Variants in TMEM181 observed in about 807,000 individuals in gnomAD.
TMEM181 encodes G protein-coupled receptor 178.
Under a neutral mutation model 71.9 loss-of-function variants are expected in TMEM181, and 39 were observed. The ratio of observed to expected loss-of-function variants is 0.54; its 90% CI spans 0.42 to 0.71. The LOEUF (loss-of-function observed/expected upper bound fraction) is 0.71. Ranked by LOEUF, TMEM181 falls within the 30% of genes least tolerant of loss-of-function variation. The pLI is 0.00. For synonymous variants in TMEM181, 245 were observed against 228.8 expected (o/e 1.07, Z -0.64); for missense variants, 595 against 583.0 (o/e 1.02, Z -0.21).
chr6:158,574,081 C>A (rs1478935027), intron 2 of TMEM181, among the ~76,000 whole-genome samples: 1 of 126,590 alleles, frequency 7.9e-6, no homozygotes, highest in Non-Finnish European at 1.8e-5. Flanking sequence ...AGAGGGCAGG[C>A]AACCAGGAGC....
intron 1 of TMEM181, among the ~76,000 whole-genome samples, chr6:158,544,020 T>C (rs957485215): frequency 2.0e-5 from 3 of 152,134 alleles, no homozygotes; most frequent in Non-Finnish European, 4.4e-5. Flanking sequence ...CTGCACATCT[T>C]ATAGGATGAT....
intron 1 of TMEM181, among the ~76,000 whole-genome samples, chr6:158,546,693 G>A (rs560775456): frequency 3.3e-5 from 5 of 152,286 alleles, no homozygotes; most frequent in African/African-American, 7.2e-5. Flanking sequence ...GCGCGATGGC[G>A]CACACCTGTA....
intron 3 of TMEM181, among the ~76,000 whole-genome samples, chr6:158,582,015 C>T (rs1252712428): frequency 6.6e-6 from 1 of 152,052 alleles, no homozygotes; most frequent in Non-Finnish European, 1.5e-5. Flanking sequence ...TCTCACACTT[C>T]CCTGCTAGTT....
intron 15 of TMEM181, among the ~76,000 whole-genome samples, chr6:158,630,742 A>G (rs1226402260): frequency 2.0e-5 from 3 of 151,700 alleles, no homozygotes; most frequent in African/African-American, 7.3e-5. Context: ...AAACATACAA[A>G]AAGTCACCTA....
intron 10 of TMEM181, among the ~76,000 whole-genome samples, chr6:158,619,633 G>T (rs1013307218): frequency 5.3e-5 from 8 of 152,098 alleles, no homozygotes; most frequent in African/African-American, 1.9e-4. Context: ...CACTTTGGGA[G>T]GCCAGTGCAG....
chr6:158,558,291 C>T (rs1224737530), upstream of TMEM181, among the ~76,000 whole-genome samples: 1 of 152,214 alleles, frequency 6.6e-6, no homozygotes, highest in African/African-American at 2.4e-5. Context: ...CAAATGTGGC[C>T]AGCAAATGTG....
chr6:158,597,692 C>T (rs575724390), intron 6 of TMEM181, among the ~76,000 whole-genome samples: 40 of 152,150 alleles, frequency 2.6e-4, no homozygotes, highest in African/African-American at 8.9e-4. Context: ...TTTTTATTTT[C>T]TAGAGACGGG....
At chr6:158,609,175 G>GT (rs1785144425) in intron 10 of TMEM181, among the ~76,000 whole-genome samples, 1 of 151,870 alleles carries the variant, frequency 6.6e-6, no homozygotes, top group South Asian at 2.1e-4. Context: ...TCAGCTTTCA[G>GT]TTTATCTAAC....
chr6:158,561,901 A>C (rs1782201139), intron 1 of TMEM181, among the ~76,000 whole-genome samples: 1 of 152,144 alleles, frequency 6.6e-6, no homozygotes, highest in South Asian at 2.1e-4. Flanking sequence ...GTTTGGTAGC[A>C]GATAAAATCC....
At chr6:158,619,598 C>T (rs1051420148) in intron 10 of TMEM181, among the ~76,000 whole-genome samples, 7 of 151,972 alleles carry the variant, frequency 4.6e-5, no homozygotes, top group Admixed American at 2.6e-4. Context: ...TGGCCAGGCG[C>T]GGTGGCTCAC....
exon 1 of TMEM181, chr6:158,536,726 C>T (rs761693754): frequency 1.3e-6 from 2 of 1,566,548 alleles, no homozygotes. Context: ...ACCCGGGAGG[C>T]TGCGCGGCAT....
Position 158,572,642 on chromosome 6 carries a change from T to C in TMEM181, c.9-778T>C, listed in dbSNP as rs1782929178. Among the ~76,000 whole-genome samples the C allele has an allele frequency of 2.6e-5, 4 of 152,224 alleles. No individual in the cohort carries two copies. The South Asian group carries it at 8.3e-4, about 32-fold the overall frequency. ...GCCTCACATGTACTACCTGGGCCTT[T>C]ACAGAGTTTTCTTTTGTTTGCTGGC... On this transcript the variant is annotated intron_variant, in intron 1 of 16. Transcript: ENST00000684151.
rs749429368 is a variant in TMEM181, at chr6:158,623,578, C to T, written c.925C>T (p.Gln309Ter). ...TVNELHDPMY[Q>*]YRVDTGNFQG... ...TAACGAATTACATGATCCAATGTAC[C>T]AGTATCGAGTTGATACCGGAAATTT... Residue 309 changes from glutamine to a stop codon, truncating the protein, a stop_gained, in exon 11 of 17, where the codon CAG (glutamine) becomes TAG (stop). Coordinates refer to ENST00000684151, the MANE Select transcript of TMEM181 (RefSeq NM_001376852.1). LOFTEE classifies it high-confidence loss of function. 6.3e-7 allele frequency: 1 copy of T among 1,582,696 alleles called. No individual in the cohort carries two copies. Among genetic ancestry groups the T allele is most frequent in the Non-Finnish European group, 8.6e-7 (1 of 1,161,802 alleles).
At chr6:158,571,773 G>C (rs900251213) in intron 1 of TMEM181, among the ~76,000 whole-genome samples, 1 of 152,228 alleles carries the variant, frequency 6.6e-6, no homozygotes, top group Non-Finnish European at 1.5e-5. Flanking sequence ...CCGTCCCAGA[G>C]CAACCTCTGT....
At chr6:158,629,907 T>TCATGTGGGCGCTGTGATTCC (rs1786566770) in intron 15 of TMEM181, 88 bp downstream of exon 15, 1 of 1,087,408 alleles carries the variant, frequency 9.2e-7, no homozygotes, top group Non-Finnish European at 1.4e-6. Flanking sequence ...GGTTTCCCAT[T>TCATGTGGGCGCTGTGATTCC]CATGTGGGCG....
rs114262802 is a variant in TMEM181, at chr6:158,561,194, A to C, written c.8+962A>C. On this transcript the variant is annotated intron_variant, in intron 1 of 16. Coordinates refer to ENST00000684151, the MANE Select transcript of TMEM181 (RefSeq NM_001376852.1). ...CTCTGGCTGTGGACGTGGTCAGAGAAGTGACACCCAGGCCTGTTGCCTCAG... is the reference window on the plus strand; with the variant it reads ...CTCTGGCTGTGGACGTGGTCAGAGACGTGACACCCAGGCCTGTTGCCTCAG... Among the ~76,000 whole-genome samples the C allele has an allele frequency of 6.7e-3, 1,026 of 152,350 alleles. 5 individuals carry two copies. Among genetic ancestry groups the C allele is most frequent in the Admixed American group, 0.014 (207 of 15,300 alleles).
chr6:158,600,458 A>ATTTTTTT (rs61457107), intron 6 of TMEM181, among the ~76,000 whole-genome samples: 1,036 of 91,760 alleles, frequency 0.011, 50 homozygotes, highest in African/African-American at 0.025. Context: ...CCTAGGGTTA[A>ATTTTTTT]TTTTTTTTTT....
At chr6:158,540,243 C>T (rs1781292071) in intron 1 of TMEM181, among the ~76,000 whole-genome samples, 1 of 152,168 alleles carries the variant, frequency 6.6e-6, no homozygotes, top group Non-Finnish European at 1.5e-5. Context: ...GTAACAAGGA[C>T]ATGGAATGTT....
At chr6:158,612,273 T>C (rs890108563) in intron 10 of TMEM181, among the ~76,000 whole-genome samples, 2 of 152,216 alleles carry the variant, frequency 1.3e-5, no homozygotes, top group Non-Finnish European at 2.9e-5. Flanking sequence ...GGGGTGTTTG[T>C]CCAAGATGAC....
Sources: gnomAD v4.1 joint callset for allele counts (sites outside exome capture counted in the v4.1 genomes callset) on GRCh38, gnomAD v4.1.1 for gene constraint, MANE v1.5 for transcripts, NCBI Gene and HGNC (gene_info 2026-07-23, HGNC 2026-07-21) for gene names.